Variants in CEP192 observed in about 807,000 individuals in gnomAD.
CEP192 encodes the protein centrosomal protein 192.
In CEP192, 151 loss-of-function variants were observed where a neutral mutation model predicts 271.8. The ratio of observed to expected loss-of-function variants is 0.56; its 90% CI spans 0.49 to 0.64. The LOEUF (loss-of-function observed/expected upper bound fraction) is 0.64, where lower values mean the gene tolerates loss of function less well. CEP192 is among the 30% of genes least tolerant of loss of function. The probability of loss-of-function intolerance (pLI) is 0.00; values close to 1 mark genes in which losing one functional copy is unlikely to be tolerated. For missense variants in CEP192, 2,910 were observed against 3,020.5 expected, an observed-to-expected ratio of 0.96 and a Z score of 0.86; for synonymous variants, 995 against 1,076.5, an observed-to-expected ratio of 0.92 and a Z score of 1.48.
chr18:13,076,093 G>A lies in CEP192; in HGVS notation c.5616+2908G>A, dbSNP rs375708052. ...AAGCCAGGGAGGCTGCTGAACATCC[G>A]AGAAAGCCCAAGACAGTTCCCACCA... On this transcript the variant is annotated intron_variant, in intron 30 of 44. Transcript: ENST00000506447. Among the ~76,000 whole-genome samples, 41 of 152,284 alleles carry A rather than the reference G, an allele frequency of 2.7e-4. No homozygotes were observed. In the East Asian group the frequency reaches 2.7e-3, roughly 10 times the overall value.
intron 17 of CEP192, among the ~76,000 whole-genome samples, chr18:13,051,913 A>G (rs2036815413): frequency 6.6e-6 from 1 of 152,232 alleles, no homozygotes; most frequent in Non-Finnish European, 1.5e-5. Flanking sequence ...CTAGCTGAGT[A>G]TTCTGAACTT....
Position 13,037,320 on chromosome 18 carries a change from T to C in CEP192, c.1599+19T>C, listed in dbSNP as rs947245687. Reference sequence around the variant, plus strand: ...TATACAGGTTTGTAATTATTTGTTTTATCCAAAATTTAAAATTTTTCCTGT... The same window carrying C: ...TATACAGGTTTGTAATTATTTGTTTCATCCAAAATTTAAAATTTTTCCTGT... On this transcript the variant is annotated intron_variant, in intron 12 of 44. Transcript: ENST00000506447. The C allele has an allele frequency of 1.8e-6, 2 of 1,139,600 alleles. No homozygotes were observed. The highest frequency in any genetic ancestry group is 3.1e-5 in the African/African-American group (2 of 64,454). 70.6% of individuals were successfully genotyped at this position (1,139,600 alleles called of 1,614,324 possible). A position where few individuals can be genotyped will look rare whatever the true frequency, so the allele number is the denominator to read the frequency against.
At chr18:13,087,485 T>A (rs1175616751) in intron 31 of CEP192, 46 bp from the exon 32 acceptor site, 1 of 1,086,510 alleles carries the variant, frequency 9.2e-7, no homozygotes, top group African/African-American at 1.6e-5. Flanking sequence ...TGAAATTACT[T>A]AAAAATATTT....
At chr18:13,061,542 A>C (rs6650617) in intron 21 of CEP192, among the ~76,000 whole-genome samples, 1 of 152,148 alleles carries the variant, frequency 6.6e-6, no homozygotes, top group Non-Finnish European at 1.5e-5. Flanking sequence ...TTGATTGGAA[A>C]TGTTCTTTAT....
chr18:13,078,667 G>A (rs890043428), intron 30 of CEP192, among the ~76,000 whole-genome samples: 21 of 151,736 alleles, frequency 1.4e-4, no homozygotes, highest in African/African-American at 4.6e-4. Flanking sequence ...TAAGTTCTAG[G>A]GTACATGTTC....
chr18:13,042,167 GTATACT>G, intron 14 of CEP192, 31 bp from the exon 15 acceptor site: 1 of 1,571,812 alleles, frequency 6.4e-7, no homozygotes. Context: ...GTCAAATAGT[GTATACT>G]TATAAGTTGA....
intron 21 of CEP192, among the ~76,000 whole-genome samples, chr18:13,059,662 C>A (rs1191570011): frequency 6.6e-6 from 1 of 152,130 alleles, no homozygotes; most frequent in Non-Finnish European, 1.5e-5. Flanking sequence ...AGAAAAGTTT[C>A]CCTTCTCTAG....
chr18:13,047,060 T>C (rs762661349), intron 15 of CEP192, among the ~76,000 whole-genome samples: 3 of 152,204 alleles, frequency 2.0e-5, no homozygotes, highest in Non-Finnish European at 4.4e-5. Flanking sequence ...TACTGTGATG[T>C]GGTTGGGTAG....
At chr18:13,106,641 A>G (rs1466028971) in intron 40 of CEP192, among the ~76,000 whole-genome samples, 2 of 151,342 alleles carry the variant, frequency 1.3e-5, no homozygotes, top group Non-Finnish European at 2.9e-5. Flanking sequence ...CACAACCCTC[A>G]ACTACAACCA....
chr18:13,097,649 ATTT>A (rs1168883540), intron 36 of CEP192, among the ~76,000 whole-genome samples: 1 of 107,878 alleles, frequency 9.3e-6, no homozygotes, highest in East Asian at 2.9e-4. Flanking sequence ...TTTAACTATT[ATTT>A]TTTTTTTTTT....
intron 2 of CEP192, among the ~76,000 whole-genome samples, chr18:12,999,945 G>A (rs2033509958): frequency 6.6e-6 from 1 of 151,062 alleles, no homozygotes; most frequent in African/African-American, 2.4e-5. Flanking sequence ...TTAATCATAA[G>A]GTTATAGGAG....
At chr18:13,009,853 A>G (rs1233864457) in intron 4 of CEP192, among the ~76,000 whole-genome samples, 1 of 152,052 alleles carries the variant, frequency 6.6e-6, no homozygotes, top group Non-Finnish European at 1.5e-5. Flanking sequence ...ATTGCTCTCA[A>G]ATTAGATGTG....
chr18:12,999,284 T>C, intron 1 of CEP192, 137 bp from the exon 2 acceptor site: 1 of 593,076 alleles, frequency 1.7e-6, no homozygotes. Flanking sequence ...TCAGACTATT[T>C]GCCTATTTCC....
Position 13,038,290 on chromosome 18 carries a change from CT to C in CEP192, c.1600-74del. 3.5e-6 allele frequency: 4 copies of C among 1,152,218 alleles called. No individual in the cohort carries two copies. In the South Asian group the frequency reaches 6.3e-5, roughly 18 times the overall value. 71.4% of individuals were successfully genotyped at this position (1,152,218 alleles called of 1,614,324 possible). ...TACTTTTTAAATTTTCTTGGTAAGA[CT>C]TTTTTAGTTTTTGTATATTAGAACA... On this transcript the variant is annotated intron_variant, in intron 12 of 44. Transcript: ENST00000506447.
At chr18:13,083,283 A>G (rs548412077) in intron 30 of CEP192, among the ~76,000 whole-genome samples, 9 of 152,278 alleles carry the variant, frequency 5.9e-5, no homozygotes, top group Non-Finnish European at 1.3e-4. Flanking sequence ...TGATGTTTTC[A>G]CATAGTCCCA....
At chr18:13,019,878 T>C (rs1013328654) in intron 9 of CEP192, among the ~76,000 whole-genome samples, 4 of 152,010 alleles carry the variant, frequency 2.6e-5, no homozygotes, top group Non-Finnish European at 5.9e-5. Context: ...AGTGGCGTGA[T>C]CTCAGCTCAC....
intron 15 of CEP192, among the ~76,000 whole-genome samples, chr18:13,043,158 C>A (rs1258830382): frequency 6.6e-6 from 1 of 152,198 alleles, no homozygotes; most frequent in Non-Finnish European, 1.5e-5. Context: ...GGTTCTTGCT[C>A]ATGTTTGCTG....
intron 21 of CEP192, among the ~76,000 whole-genome samples, chr18:13,067,424 A>G (rs762761977): frequency 1.3e-4 from 20 of 152,156 alleles, no homozygotes; most frequent in Non-Finnish European, 2.5e-4. Flanking sequence ...AACTTTTGAT[A>G]TGTCTGTTTT....
rs114856311 is a variant in CEP192, at chr18:13,001,491, G to A, written c.199G>A (p.Gly67Arg). Residue 67 changes from glycine (G) to arginine (R), a missense_variant, in exon 3 of 45, where the codon GGG (glycine) becomes AGG (arginine). Coordinates refer to ENST00000506447, the MANE Select transcript of CEP192 (RefSeq NM_032142.4). The stretch of plus-strand genomic sequence containing the variant: ...TATCCAGGCATCTTACTTAGTAGAA[G>A]GGAGATTTTCAGTTCCATCCGGGTC... The part of the protein sequence containing the change: ...PDIQASYLVE[G>R]RFSVPSGSSP... 1.4e-3 allele frequency: 2,137 copies of A among 1,549,988 alleles called. 26 individuals are homozygous for A. In the African/African-American group the frequency reaches 0.025, roughly 18 times the overall value.
Sources: allele counts gnomAD v4.1 joint callset (sites outside exome capture counted in the v4.1 genomes callset), GRCh38; gene constraint gnomAD v4.1.1; transcripts MANE v1.5; gene names NCBI Gene and HGNC (gene_info 2026-07-23, HGNC 2026-07-21).